WASF3: variants seen among roughly 807,000 people sequenced by gnomAD.
The protein encoded by WASF3 is actin-binding protein WASF3.
A neutral mutation model predicts 46.6 loss-of-function variants in WASF3; 11 were observed. That is an observed-to-expected ratio of 0.24 (90% CI 0.15 to 0.39). The LOEUF is 0.39. Among genes scored for constraint, WASF3 ranks in the 10% least tolerant of loss-of-function variants. WASF3 has a pLI of 1.00. For missense variants in WASF3, 576 were observed against 669.8 expected (o/e 0.86, Z 1.55); for synonymous variants, 242 against 259.7 (o/e 0.93, Z 0.65).
intron 1 of WASF3, among the ~76,000 whole-genome samples, chr13:26,565,072 C>A (rs562247734): frequency 1.3e-3 from 195 of 151,304 alleles, no homozygotes; most frequent in Middle Eastern, 3.5e-3. Flanking sequence ...GTTGCCCAGA[C>A]TGTAGGCCGT....
intron 1 of WASF3, chr13:26,577,074 G>A (rs1879821060): frequency 1.3e-6 from 1 of 763,544 alleles, no homozygotes; most frequent in Non-Finnish European, 2.3e-6. Flanking sequence ...ATGGCCTCAA[G>A]GGTCATGTGT....
At chr13:26,586,175 C>A (rs1036490148) in intron 1 of WASF3, among the ~76,000 whole-genome samples, 1 of 151,672 alleles carries the variant, frequency 6.6e-6, no homozygotes. Context: ...TAATATTTGC[C>A]CTTTATTGTT....
At chr13:26,626,244 G>C (rs1013031474) in intron 2 of WASF3, 2 of 152,320 alleles carry the variant, frequency 1.3e-5, no homozygotes, top group East Asian at 3.8e-4. Flanking sequence ...GACGTCAGGG[G>C]TTAGGAGAAT....
rs547231735 is a variant in WASF3 at position 26,668,198 on chromosome 13, C to T, written c.422+528C>T. On this transcript the variant is annotated intron_variant, in intron 5 of 9. Transcript: ENST00000335327. Reference sequence around the variant, plus strand: ...AGGACACGTTATCAGGACGAGACTTCCAAGAAAAACAATGGAAAATAAATA... The same window carrying T: ...AGGACACGTTATCAGGACGAGACTTTCAAGAAAAACAATGGAAAATAAATA... Among the ~76,000 whole-genome samples the T allele has an allele frequency of 2.6e-5, 4 of 152,182 alleles. No individual in the cohort carries two copies. The South Asian group carries it at 8.3e-4, about 32-fold the overall frequency.
intron 2 of WASF3, chr13:26,620,475 A>G (rs752779404): frequency 6.6e-5 from 10 of 152,214 alleles, no homozygotes; most frequent in Non-Finnish European, 1.0e-4. Context: ...AATTAAATGA[A>G]CATAACACAG....
intron 3 of WASF3, among the ~76,000 whole-genome samples, chr13:26,649,084 C>G (rs1417876370): frequency 6.6e-6 from 1 of 152,148 alleles, no homozygotes; most frequent in Admixed American, 6.5e-5. Flanking sequence ...CTAAATTTAT[C>G]TGGTTTTATC....
chr13:26,611,189 G>A (rs757544541), intron 1 of WASF3, among the ~76,000 whole-genome samples: 2 of 152,000 alleles, frequency 1.3e-5, no homozygotes, highest in Admixed American at 6.6e-5. Flanking sequence ...TTGCTTTCTA[G>A]TCAGACTCAT....
In WASF3 at chr13:26,686,045, G is replaced by T. The variant is rs564925953; in HGVS notation, c.*200G>T. On this transcript the variant is annotated 3_prime_UTR_variant, in exon 10 of 10. Transcript: ENST00000335327. Reference sequence around the variant, plus strand: ...TAAGTGCCACTAAACATAGCAAATTGTGCTGCACATGAGGAAATAGGCTGT... The same window carrying T: ...TAAGTGCCACTAAACATAGCAAATTTTGCTGCACATGAGGAAATAGGCTGT... 1 of 610,520 alleles carries T rather than the reference G, an allele frequency of 1.6e-6. No homozygotes were observed. Among genetic ancestry groups the T allele is most frequent in the Non-Finnish European group, 2.7e-6 (1 of 368,286 alleles). The allele number at this position is 610,520 out of a possible 1,614,324, so 37.8% of individuals were successfully genotyped here. A position where few individuals can be genotyped will look rare whatever the true frequency, so the allele number is the denominator to read the frequency against.
intron 2 of WASF3, among the ~76,000 whole-genome samples, chr13:26,619,751 T>C (rs1881249134): frequency 6.6e-6 from 1 of 152,198 alleles, no homozygotes. Flanking sequence ...AACCACCTCC[T>C]TCCTTTTTGG....
intron 1 of WASF3, among the ~76,000 whole-genome samples, chr13:26,566,120 A>G (rs1056199288): frequency 1.1e-4 from 16 of 152,206 alleles, no homozygotes; most frequent in Admixed American, 3.3e-4. Context: ...ATGATTGTCA[A>G]ATTTCATTTG....
At chr13:26,579,197 TCACTATGCTGCTGA>T (rs1358317770) in intron 1 of WASF3, among the ~76,000 whole-genome samples, 1 of 151,526 alleles carries the variant, frequency 6.6e-6, no homozygotes, top group African/African-American at 2.4e-5. Flanking sequence ...AGATGGGGTC[TCACTATGCTGCTGA>T]GGCTGGTCTT....
At chr13:26,547,351 G>A in the WASF3 span, among the ~76,000 whole-genome samples, 2 of 150,906 alleles carry the variant, frequency 1.3e-5, no homozygotes, top group East Asian at 3.9e-4. Context: ...TACCCCTTCA[G>A]TCTAATTTCT....
intron 1 of WASF3, among the ~76,000 whole-genome samples, chr13:26,582,577 T>G (rs1364097766): frequency 1.4e-5 from 2 of 144,384 alleles, no homozygotes; most frequent in Non-Finnish European, 3.0e-5. Flanking sequence ...CTCGGGAGGC[T>G]GAGGCAGGAG....
chr13:26,607,964 A>C lies in WASF3; in HGVS notation c.-108-4997A>C, dbSNP rs561862685. Among the ~76,000 whole-genome samples, 91 of 152,242 alleles carry C rather than the reference A, an allele frequency of 6.0e-4. No homozygotes were observed. In the South Asian group the frequency reaches 6.8e-3, roughly 11 times the overall value. ...TTCAGTTTAAGTGGTAGTTACCACA[A>C]GTGATTCCATTCTGGTTTGGTGTGG... On this transcript the variant is annotated intron_variant, in intron 1 of 9. Transcript: ENST00000335327.
At chr13:26,630,286 T>C (rs942355520) in intron 2 of WASF3, among the ~76,000 whole-genome samples, 1 of 152,182 alleles carries the variant, frequency 6.6e-6, no homozygotes, top group African/African-American at 2.4e-5. Flanking sequence ...ATTAGGTATT[T>C]CTCCTAATGC....
chr13:26,666,439 T>C (rs1054618792), intron 4 of WASF3, among the ~76,000 whole-genome samples: 2 of 152,240 alleles, frequency 1.3e-5, no homozygotes, highest in Admixed American at 1.3e-4. Context: ...TTGCCATGGA[T>C]GTTACAGTAG....
At chr13:26,553,329 A>G (rs775809036), upstream of WASF3, among the ~76,000 whole-genome samples, 1 of 152,130 alleles carries the variant, frequency 6.6e-6, no homozygotes, top group Admixed American at 6.5e-5. Context: ...TACAGAGAAA[A>G]AGTTGGGAGG....
intron 7 of WASF3, among the ~76,000 whole-genome samples, chr13:26,678,327 A>T (rs965073847): frequency 6.6e-6 from 1 of 152,134 alleles, no homozygotes; most frequent in African/African-American, 2.4e-5. Flanking sequence ...TATATCTGGA[A>T]GTTACAGGAA....
chr13:26,683,153 T>G (rs1267033191), intron 9 of WASF3, among the ~76,000 whole-genome samples, 179 bp downstream of exon 9: 1 of 152,100 alleles, frequency 6.6e-6, no homozygotes, highest in Non-Finnish European at 1.5e-5. Context: ...TTTTGTCCAG[T>G]GTAAGGTAAT....
Sources: allele counts gnomAD v4.1 joint callset (sites outside exome capture counted in the v4.1 genomes callset), GRCh38; gene constraint gnomAD v4.1.1; transcripts MANE v1.5; gene names NCBI Gene and HGNC (gene_info 2026-07-23, HGNC 2026-07-21).